The following MTMR7 variants were observed in gnomAD, a reference collection of about 807,000 sequenced individuals.
The protein encoded by MTMR7 is myotubularin related protein 7.
In MTMR7, 76 loss-of-function variants were observed where a neutral mutation model predicts 81.2. That is an observed-to-expected ratio of 0.94 (90% CI 0.78 to 1.13). MTMR7 has a LOEUF of 1.13. Among genes scored for constraint, MTMR7 ranks in the 50% most tolerant of loss-of-function variants. The pLI is 0.00. For missense variants in MTMR7, 1,044 were observed against 820.0 expected (o/e 1.27, Z -3.34); for synonymous variants, 372 against 289.8 (o/e 1.28, Z -2.88).
At chr8:17,328,156 T>C (rs1269293697) in intron 7 of MTMR7, among the ~76,000 whole-genome samples, 2 of 152,302 alleles carry the variant, frequency 1.3e-5, no homozygotes, top group South Asian at 2.1e-4. Context: ...AGATGGCAAG[T>C]TGATTGGCAG....
rs573002238 is a variant in MTMR7, at chr8:17,353,257, A to C, written c.469-4176T>G. 2.6e-5 allele frequency among the ~76,000 whole-genome samples: 4 copies of C among 152,278 alleles called. No individual in the cohort carries two copies. In the South Asian group the frequency reaches 8.3e-4, roughly 32 times the overall value. ...AGTAGTCAAATTCATAGAAACAAAA[A>C]GTAGAATGATGGTTGCCAGGGGCTG... On this transcript the variant is annotated intron_variant, in intron 4 of 13. Transcript: ENST00000180173.
chr8:17,311,431 A>AC, intron 9 of MTMR7, 80 bp downstream of exon 9: 1 of 1,573,024 alleles, frequency 6.4e-7, no homozygotes, highest in Non-Finnish European at 8.7e-7. Flanking sequence ...AGAAAACAGC[A>AC]GTTGCCAGTA....
In MTMR7 at chr8:17,339,882, T is replaced by C. The variant is rs560234988; in HGVS notation, c.732+1481A>G. ...AAACTCTAACTTACGAAGTGAAAAG[T>C]TTCCTAAAATGAACTTCTCACCCCA... On this transcript the variant is annotated intron_variant, in intron 6 of 13. Transcript: ENST00000180173. 4.5e-4 allele frequency among the ~76,000 whole-genome samples: 69 copies of C among 152,354 alleles called. 2 individuals are homozygous for C. In the East Asian group the frequency reaches 0.011, roughly 25 times the overall value.
intron 1 of MTMR7, among the ~76,000 whole-genome samples, chr8:17,392,447 T>G (rs2150578447): frequency 6.6e-6 from 1 of 152,314 alleles, no homozygotes; most frequent in Middle Eastern, 3.4e-3. Flanking sequence ...TGCATCCCTT[T>G]TTAAAGCTTT....
chr8:17,339,147 C>T (rs989640233), intron 6 of MTMR7, among the ~76,000 whole-genome samples: 1 of 152,078 alleles, frequency 6.6e-6, no homozygotes, highest in Non-Finnish European at 1.5e-5. Context: ...GAGTGTAGAC[C>T]GTGTCTATAA....
intron 4 of MTMR7, among the ~76,000 whole-genome samples, chr8:17,357,906 C>CT: frequency 6.6e-6 from 1 of 151,736 alleles, no homozygotes; most frequent in Non-Finnish European, 1.5e-5. Context: ...AACTTTTTTT[C>CT]TTTTTTTCCT....
intron 7 of MTMR7, among the ~76,000 whole-genome samples, chr8:17,315,736 G>C (rs1563325776): frequency 6.6e-6 from 1 of 152,270 alleles, no homozygotes; most frequent in East Asian, 1.9e-4. Context: ...AAAAGGCTGG[G>C]CACAGTGCCT....
In MTMR7 at chr8:17,331,295, G is replaced by T; in HGVS notation, c.733-13C>A. 6.3e-7 allele frequency: 1 copy of T among 1,576,816 alleles called. No homozygotes were observed. Among genetic ancestry groups the T allele is most frequent in the Non-Finnish European group, 8.6e-7 (1 of 1,165,374 alleles). On this transcript the variant is annotated splice_polypyrimidine_tract_variant and intron_variant, in intron 6 of 13. Coordinates refer to ENST00000180173, the MANE Select transcript of MTMR7 (RefSeq NM_004686.5). ...CCATTGCATTAAGCTGCAGTGGTCA[G>T]CAAAACAGAACAGTCATCAATTACA...
At chr8:17,408,955 ATGG>A (rs1021862048) in intron 1 of MTMR7, among the ~76,000 whole-genome samples, 2 of 152,208 alleles carry the variant, frequency 1.3e-5, no homozygotes, top group Non-Finnish European at 2.9e-5. Flanking sequence ...TTTAATAAAA[ATGG>A]TGAATTTTAC....
intron 1 of MTMR7, among the ~76,000 whole-genome samples, chr8:17,399,674 T>C (rs1348703355): frequency 6.6e-6 from 1 of 152,086 alleles, no homozygotes; most frequent in African/African-American, 2.4e-5. Context: ...GCCAAATGTA[T>C]TCTGTGCAAA....
At chr8:17,306,673 C>A (rs565411715) in intron 10 of MTMR7, among the ~76,000 whole-genome samples, 1 of 152,022 alleles carries the variant, frequency 6.6e-6, no homozygotes, top group South Asian at 2.1e-4. Context: ...AATATAGAAC[C>A]CCGTGTTAGT....
rs1820410098 is a variant in MTMR7 at position 17,371,171 on chromosome 8, T to C, written c.176A>G (p.Glu59Gly). Residue 59 changes from glutamate to glycine, a missense_variant, in exon 3 of 14, where the codon GAG becomes GGG. By Grantham distance (98) the Glu-to-Gly change is moderately conservative. Coordinates refer to ENST00000180173, the MANE Select transcript of MTMR7 (RefSeq NM_004686.5). ...WILHSQISTI[E>G]KQATTATGCP... Reference sequence around the variant, plus strand: ...TCCGGTAGCGGTTGTTGCCTGTTTCTCAATGGTGGAAATCTGACTGTGAAG... The same window carrying C: ...TCCGGTAGCGGTTGTTGCCTGTTTCCCAATGGTGGAAATCTGACTGTGAAG... 1 of 1,614,164 alleles carries C rather than the reference T, an allele frequency of 6.2e-7. No individual in the cohort carries two copies. The highest frequency in any genetic ancestry group is 1.3e-5 in the African/African-American group (1 of 75,054).
At position 17,297,359 on chromosome 8, in the gene MTMR7, T is replaced by TATCA. The variant is rs1304345816; in HGVS notation, c.*2499_*2502dup. ...GCATAAATTGAGACTAGGAAATTTA[T>TATCA]ATCAGAATAGAGGGTGCTTGACACA... On this transcript the variant is annotated 3_prime_UTR_variant, in exon 14 of 14. Coordinates refer to ENST00000180173, the MANE Select transcript of MTMR7 (RefSeq NM_004686.5). The TATCA allele has an allele frequency of 6.6e-6, 1 of 152,132 alleles. No individual in the cohort carries two copies. The highest frequency in any genetic ancestry group is 2.4e-5 in the African/African-American group (1 of 41,458). The allele number at this position is 152,132 out of a possible 1,614,324, so 9.4% of individuals were successfully genotyped here.
Position 17,409,634 on chromosome 8 carries a change from G to C in MTMR7, c.24+3635C>G, listed in dbSNP as rs115213791. On this transcript the variant is annotated intron_variant, in intron 1 of 13. Coordinates refer to ENST00000180173, the MANE Select transcript of MTMR7 (RefSeq NM_004686.5). ...ACCATTACAGGACTTCCATCAAGCA[G>C]GGGAGCTTGACATTAAATGAACATA... Among the ~76,000 whole-genome samples, 1,146 of 152,242 alleles carry C rather than the reference G, an allele frequency of 7.5e-3. 17 individuals are homozygous for C. Among genetic ancestry groups the C allele is most frequent in the African/African-American group, 0.026 (1,089 of 41,530 alleles).
rs1024939691 is a variant in MTMR7, at chr8:17,412,290, G to C, written c.24+979C>G. Reference sequence around the variant, plus strand: ...TGCCCCCACCCCTCTTAAATGTGTGGGATCCCTGGAACCACCTGAGCTATG... The same window carrying C: ...TGCCCCCACCCCTCTTAAATGTGTGCGATCCCTGGAACCACCTGAGCTATG... On this transcript the variant is annotated intron_variant, in intron 1 of 13. Coordinates refer to ENST00000180173, the MANE Select transcript of MTMR7 (RefSeq NM_004686.5). Among the ~76,000 whole-genome samples, 5 of 152,160 alleles carry C rather than the reference G, an allele frequency of 3.3e-5. No homozygotes were observed. The South Asian group carries it at 1.0e-3, about 32-fold the overall frequency.
chr8:17,390,715 G>A (rs547781154), intron 1 of MTMR7, among the ~76,000 whole-genome samples: 20 of 152,164 alleles, frequency 1.3e-4, no homozygotes, highest in Non-Finnish European at 2.4e-4. Flanking sequence ...CATGGCAGAC[G>A]AGGAAGCAAA....
At chr8:17,354,338 G>T (rs1033874567) in intron 4 of MTMR7, among the ~76,000 whole-genome samples, 1 of 152,116 alleles carries the variant, frequency 6.6e-6, no homozygotes, top group African/African-American at 2.4e-5. Flanking sequence ...AAACTGACTG[G>T]TTTGGGTTGT....
chr8:17,367,001 T>A (rs946227879), intron 3 of MTMR7, among the ~76,000 whole-genome samples: 1 of 75,790 alleles, frequency 1.3e-5, no homozygotes, highest in African/African-American at 1.1e-4. Context: ...CTTATCTGTC[T>A]TGTTTTAAGC....
At chr8:17,313,258 T>C (rs1817889682) in intron 8 of MTMR7, 34 bp downstream of exon 8, 1 of 1,508,714 alleles carries the variant, frequency 6.6e-7, no homozygotes, top group Non-Finnish European at 9.2e-7. Flanking sequence ...TTTGCTCATC[T>C]GTCCCTTAAT....
Sources: allele counts gnomAD v4.1 joint callset (sites outside exome capture counted in the v4.1 genomes callset), GRCh38; gene constraint gnomAD v4.1.1; transcripts MANE v1.5; gene names NCBI Gene and HGNC (gene_info 2026-07-23, HGNC 2026-07-21).